Variants in MRTFB observed in about 807,000 individuals in gnomAD.
MRTFB encodes myocardin related transcription factor B.
MRTFB carries 29 observed loss-of-function variants against 104.2 expected under a neutral mutation model. The ratio of observed to expected loss-of-function variants is 0.28; its 90% CI spans 0.21 to 0.38. The LOEUF is 0.38. Among genes scored for constraint, MRTFB ranks in the 10% least tolerant of loss-of-function variants. The probability of loss-of-function intolerance (pLI) is 1.00; values close to 1 mark genes in which losing one functional copy is unlikely to be tolerated. For synonymous variants in MRTFB, 535 were observed against 519.5 expected (o/e 1.03, Z -0.41); for missense variants, 1,270 against 1,341.6 (o/e 0.95, Z 0.83).
chr16:14,247,451 A>T lies in MRTFB; in HGVS notation c.2191A>T (p.Ile731Phe), dbSNP rs759489778. ...TGCTCAGCTGCTGCTCCCAGTGTCC[A>T]TCCAGGGCTCGAGTGTCACCTCAGT... ...QTAQLLLPVS[I>F]QGSSVTSVQL... Residue 731 changes from isoleucine to phenylalanine, a missense_variant, in exon 12 of 17, where the codon ATC becomes TTC. This residue lies in a region of MRTFB where 1,144 missense variants were observed against 1,131.5 expected (regional missense o/e 1.01). Coordinates refer to ENST00000571589, the MANE Select transcript of MRTFB (RefSeq NM_001308142.2). 1.2e-6 allele frequency: 2 copies of T among 1,600,360 alleles called. No individual in the cohort carries two copies. Among genetic ancestry groups the T allele is most frequent in the Non-Finnish European group, 1.7e-6 (2 of 1,177,040 alleles).
chr16:14,247,289 G>C lies in MRTFB; in HGVS notation c.2029G>C (p.Ala677Pro), dbSNP rs145037209. 122 of 1,614,056 alleles carry C rather than the reference G, an allele frequency of 7.6e-5. No individual in the cohort carries two copies. Among genetic ancestry groups the C allele is most frequent in the Non-Finnish European group, 1.0e-4 (119 of 1,180,028 alleles). Residue 677 changes from alanine to proline, a missense_variant, in exon 12 of 17, where the codon GCT becomes CCT. Ala to Pro is a conservative substitution (Grantham distance 27, BLOSUM62 -1). Coordinates refer to ENST00000571589, the MANE Select transcript of MRTFB (RefSeq NM_001308142.2). ...TGGCCAGACCCTTGTTGCCAAAAAG[G>C]CTGTAGTTATCAAGCAAGAGGTCCC... ...TGGQTLVAKK[A>P]VVIKQEVPVG...
intron 2 of MRTFB, among the ~76,000 whole-genome samples, chr16:14,125,507 G>C (rs2037064047): frequency 6.6e-6 from 1 of 152,270 alleles, no homozygotes; most frequent in Admixed American, 6.5e-5. Flanking sequence ...GCTGTGCCTA[G>C]CAGTAGGGAT....
At chr16:14,147,430 A>G (rs766797220) in intron 3 of MRTFB, among the ~76,000 whole-genome samples, 3 of 152,180 alleles carry the variant, frequency 2.0e-5, no homozygotes, top group Non-Finnish European at 2.9e-5. Flanking sequence ...AACCTTTATG[A>G]TGTCTCCTAT....
chr16:14,105,609 G>C (rs1442692205), intron 2 of MRTFB, among the ~76,000 whole-genome samples: 1 of 152,000 alleles, frequency 6.6e-6, no homozygotes, highest in African/African-American at 2.4e-5. Context: ...GTGTTGCCCA[G>C]GCTGGTCTCA....
At chr16:14,219,847 T>C (rs2041604536) in intron 8 of MRTFB, among the ~76,000 whole-genome samples, 1 of 152,210 alleles carries the variant, frequency 6.6e-6, no homozygotes, top group South Asian at 2.1e-4. Context: ...TGTTAGCAGA[T>C]AAGAGCTACT....
chr16:14,194,205 A>G (rs1156463254), intron 3 of MRTFB, among the ~76,000 whole-genome samples: 1 of 152,238 alleles, frequency 6.6e-6, no homozygotes, highest in Non-Finnish European at 1.5e-5. Flanking sequence ...ATACTGCAAT[A>G]ACAAAATACC....
At chr16:14,029,248 G>A in the MRTFB span, among the ~76,000 whole-genome samples, 2 of 151,554 alleles carry the variant, frequency 1.3e-5, no homozygotes, top group Non-Finnish European at 2.9e-5. Context: ...CGAAGCTGCA[G>A]TGAACTATGA....
rs780360188 is a variant in MRTFB, at chr16:14,234,238, C to G, written c.786C>G (p.Pro262=). The change falls in exon 9 of 17, where the codon CCC becomes CCG. Residue 262 remains proline, a synonymous_variant. Transcript: ENST00000571589. The stretch of plus-strand genomic sequence containing the variant: ...CACGGCCTGCAGCTCCTGTCCTCCC[C>G]ACAAACACTGTGTCCTCAGCAAAGC... ...PPPRPAAPVL[P]TNTVSSAKPG... is the part of the protein sequence containing the mutation. 6.8e-6 allele frequency: 11 copies of G among 1,614,024 alleles called. No homozygotes were observed. The highest frequency in any genetic ancestry group is 1.3e-5 in the African/African-American group (1 of 74,892).
chr16:14,195,811 T>G (rs1036729750), intron 3 of MRTFB, among the ~76,000 whole-genome samples: 4 of 152,216 alleles, frequency 2.6e-5, no homozygotes, highest in Non-Finnish European at 5.9e-5. Context: ...GTAGAATTTT[T>G]TATTGCCCTC....
chr16:14,002,722 G>C, the MRTFB span, among the ~76,000 whole-genome samples: 2 of 152,264 alleles, frequency 1.3e-5, no homozygotes, highest in African/African-American at 4.8e-5. Context: ...GCGGGTAAGA[G>C]AACACGAAAG....
intron 7 of MRTFB, among the ~76,000 whole-genome samples, chr16:14,218,379 G>A (rs1247781393): frequency 1.3e-5 from 2 of 152,104 alleles, no homozygotes; most frequent in East Asian, 3.8e-4. Context: ...TTTTTTAACA[G>A]TTGGATTTCC....
the MRTFB span, among the ~76,000 whole-genome samples, chr16:14,064,861 G>T: frequency 6.6e-6 from 1 of 152,160 alleles, no homozygotes; most frequent in African/African-American, 2.4e-5. Context: ...GGTTACTGTG[G>T]CCTTGTAGTA....
At chr16:14,063,096 T>C in the MRTFB span, among the ~76,000 whole-genome samples, 1 of 152,204 alleles carries the variant, frequency 6.6e-6, no homozygotes, top group African/African-American at 2.4e-5. Context: ...AGGTTACAGA[T>C]ACAACGCTGT....
chr16:14,140,862 GT>G, intron 3 of MRTFB, 102 bp downstream of exon 3: 1 of 1,358,052 alleles, frequency 7.4e-7, no homozygotes, highest in South Asian at 1.3e-5. Context: ...CAGTTCAGCA[GT>G]CTGTCATGGA....
intron 2 of MRTFB, among the ~76,000 whole-genome samples, chr16:14,126,632 T>G (rs2037123797): frequency 6.6e-6 from 1 of 152,224 alleles, no homozygotes. Context: ...ACTGATTTAT[T>G]CATAGCTCTG....
chr16:14,010,708 G>A, the MRTFB span, among the ~76,000 whole-genome samples: 1 of 152,202 alleles, frequency 6.6e-6, no homozygotes, highest in Non-Finnish European at 1.5e-5. Flanking sequence ...TTATAGGCAT[G>A]AGCCACCATG....
At chr16:14,028,201 C>CAACACAACAAAACAAAACAA in the MRTFB span, among the ~76,000 whole-genome samples, 4 of 78,464 alleles carry the variant, frequency 5.1e-5, no homozygotes, top group East Asian at 1.2e-3. Context: ...CAAACAAACA[C>CAACACAACAAAACAAAACAA]AACACAACAA....
chr16:14,015,606 A>G, the MRTFB span, among the ~76,000 whole-genome samples: 4 of 152,172 alleles, frequency 2.6e-5, no homozygotes, highest in Admixed American at 1.3e-4. Flanking sequence ...GCTATCATTC[A>G]TCAAGTTCTG....
intron 2 of MRTFB, among the ~76,000 whole-genome samples, chr16:14,100,913 A>C (rs2035659584): frequency 6.6e-6 from 1 of 151,728 alleles, no homozygotes; most frequent in African/African-American, 2.4e-5. Context: ...TGCCTCTCTC[A>C]CTCCTGATAT....
Sources: allele counts gnomAD v4.1 joint callset (sites outside exome capture counted in the v4.1 genomes callset), GRCh38; gene constraint gnomAD v4.1.1; regional missense constraint gnomAD v4.1.1; transcripts MANE v1.5; gene names NCBI Gene and HGNC (gene_info 2026-07-23, HGNC 2026-07-21).